BMP7: variants seen among roughly 807,000 people sequenced by gnomAD.
The protein encoded by BMP7 is bone morphogenetic protein 7, also known as osteogenic protein 1.
BMP7 carries 12 observed loss-of-function variants against 41.2 expected under a neutral mutation model. That is an observed-to-expected ratio of 0.29 (90% CI 0.19 to 0.47). BMP7 has a LOEUF of 0.47. Ranked by LOEUF, BMP7 falls within the 20% of genes least tolerant of loss-of-function variation. The probability of loss-of-function intolerance (pLI) is 0.99; values close to 1 mark genes in which losing one functional copy is unlikely to be tolerated. For synonymous variants in BMP7, 248 were observed against 250.0 expected (o/e 0.99, Z 0.07); for missense variants, 467 against 606.0 (o/e 0.77, Z 2.41).
chr20:57,228,835 T>G lies in BMP7; in HGVS notation c.419-414A>C, dbSNP rs1326002807. Among the ~76,000 whole-genome samples the G allele has an allele frequency of 1.3e-5, 2 of 152,212 alleles. No homozygotes were observed. Among genetic ancestry groups the G allele is most frequent in the Admixed American group, 1.3e-4 (2 of 15,278 alleles). ...AATTTCATCATCTAAAAAATGGGGA[T>G]TGTAATCCTCCTTCATGGGTTATGG... On this transcript the variant is annotated intron_variant, in intron 1 of 6. Transcript: ENST00000395863. The surrounding 1 kb of genome is among the most constrained non-coding windows in gnomAD (Gnocchi z 4.5).
At chr20:57,194,279 G>A (rs77634769) in intron 3 of BMP7, among the ~76,000 whole-genome samples, 11,908 of 152,220 alleles carry the variant, frequency 0.078, 613 homozygotes, top group Non-Finnish European at 0.11. Context: ...CCTCGAGTCT[G>A]TTGATACTCT....
chr20:57,236,328 C>T (rs755960416), intron 1 of BMP7, among the ~76,000 whole-genome samples: 29 of 152,132 alleles, frequency 1.9e-4, no homozygotes, highest in African/African-American at 6.0e-4. Flanking sequence ...CAGGAGAGAG[C>T]GCTCAGGAGG....
In BMP7 at chr20:57,194,332, C is replaced by T. The variant is rs373547928; in HGVS notation, c.760+8143G>A. On this transcript the variant is annotated intron_variant, in intron 3 of 6. Coordinates refer to ENST00000395863, the MANE Select transcript of BMP7 (RefSeq NM_001719.3). ...ACTACAGCCTGCAGGCCATATCCAGCCCACTGCCTGTTCTTGCAAATAAAA... is the reference window on the plus strand; with the variant it reads ...ACTACAGCCTGCAGGCCATATCCAGTCCACTGCCTGTTCTTGCAAATAAAA... 3.3e-5 allele frequency among the ~76,000 whole-genome samples: 5 copies of T among 152,292 alleles called. No homozygotes were observed. The South Asian group carries it at 6.2e-4, about 19-fold the overall frequency.
At chr20:57,246,596 C>A (rs2066091562) in intron 1 of BMP7, among the ~76,000 whole-genome samples, 1 of 152,226 alleles carries the variant, frequency 6.6e-6, no homozygotes, top group South Asian at 2.1e-4. Flanking sequence ...CTTGGGCCAA[C>A]TACCGCTCTC....
intron 4 of BMP7, among the ~76,000 whole-genome samples, chr20:57,178,707 G>A (rs950858869): frequency 2.6e-5 from 4 of 152,184 alleles, no homozygotes; most frequent in African/African-American, 9.7e-5. Flanking sequence ...CCTGTGGGGG[G>A]GTAGAAGGCA....
rs138910007 is a variant in BMP7, at chr20:57,186,185, A to G, written c.761-2266T>C. Among the ~76,000 whole-genome samples, 946 of 152,308 alleles carry G rather than the reference A, an allele frequency of 6.2e-3. 11 individuals are homozygous for G. Among genetic ancestry groups the G allele is most frequent in the Non-Finnish European group, 5.9e-3 (404 of 68,032 alleles). ...GAAAGTGTGTACAGCCTGACAAGCA[A>G]TGTGAAGGTGGCCTCTGTGTTCCAC... is the stretch of plus-strand genomic sequence containing the variant. On this transcript the variant is annotated intron_variant, in intron 3 of 6. Transcript: ENST00000395863.
Position 57,245,389 on chromosome 20 carries a change from C to T in BMP7, c.419-16968G>A, listed in dbSNP as rs190191497. Among the ~76,000 whole-genome samples, 452 of 152,104 alleles carry T rather than the reference C, an allele frequency of 3.0e-3. 1 individual carries two copies. The highest frequency in any genetic ancestry group is 0.01 in the African/African-American group (430 of 41,498). ...GAGATAGGGTCTCACTCTGTCACTC[C>T]CAACTGGAGTGCAGTGATGTAATTA... On this transcript the variant is annotated intron_variant, in intron 1 of 6. Transcript: ENST00000395863.
intron 4 of BMP7, among the ~76,000 whole-genome samples, chr20:57,179,999 A>G (rs1057494508): frequency 9.9e-5 from 15 of 151,926 alleles, no homozygotes; most frequent in Non-Finnish European, 1.2e-4. Context: ...TCTCCCCCTC[A>G]TTACCCAGGT....
At chr20:57,202,919 A>G (rs755806575) in intron 2 of BMP7, among the ~76,000 whole-genome samples, 11 of 152,214 alleles carry the variant, frequency 7.2e-5, no homozygotes, top group Non-Finnish European at 1.2e-4. Flanking sequence ...GTATAGGAAG[A>G]CAGGGATTAT....
At chr20:57,179,366 A>G (rs911347268) in intron 4 of BMP7, among the ~76,000 whole-genome samples, 4 of 152,196 alleles carry the variant, frequency 2.6e-5, no homozygotes, top group African/African-American at 9.6e-5. Context: ...GGCCGCAGAC[A>G]AGTCAGGACT....
intron 3 of BMP7, among the ~76,000 whole-genome samples, chr20:57,200,139 C>T (rs2123087029): frequency 6.6e-6 from 1 of 152,358 alleles, no homozygotes; most frequent in African/African-American, 2.4e-5. Context: ...TCACAAGAGA[C>T]AGTGGTGCTT....
intron 3 of BMP7, among the ~76,000 whole-genome samples, chr20:57,198,826 C>T (rs1984560779): frequency 6.6e-6 from 1 of 152,136 alleles, no homozygotes; most frequent in East Asian, 1.9e-4. Context: ...TGGCTGCGCC[C>T]CGCTAGAATG....
rs909866983 is a variant in BMP7 at position 57,169,003 on chromosome 20, A to G, written c.*1956T>C. On this transcript the variant is annotated 3_prime_UTR_variant, in exon 7 of 7. Transcript: ENST00000395863. ...AAATAAATAATCTCTTTGCTTTGTA[A>G]CAACTATTTACAGGTTTAAATGTAC... 2 of 152,194 alleles carry G rather than the reference A, an allele frequency of 1.3e-5. No homozygotes were observed. Among genetic ancestry groups the G allele is most frequent in the African/African-American group, 4.8e-5 (2 of 41,438 alleles). 9.4% of individuals were successfully genotyped at this position (152,194 alleles called of 1,614,324 possible).
intron 1 of BMP7, among the ~76,000 whole-genome samples, chr20:57,255,012 A>C (rs2066128712): frequency 6.6e-6 from 1 of 152,016 alleles, no homozygotes; most frequent in African/African-American, 2.4e-5. Flanking sequence ...AGGAGAGGGG[A>C]GGTATCACAA....
intron 4 of BMP7, among the ~76,000 whole-genome samples, 199 bp from the exon 5 acceptor site, chr20:57,175,206 T>C (rs1288516083): frequency 6.6e-6 from 1 of 152,212 alleles, no homozygotes; most frequent in Non-Finnish European, 1.5e-5. Flanking sequence ...AAGGCCCTAC[T>C]AAGGGAGGTG....
chr20:57,266,260 C>G lies in BMP7; in HGVS notation c.-138G>C. On this transcript the variant is annotated 5_prime_UTR_variant, in exon 1 of 7. Coordinates refer to ENST00000395863, the MANE Select transcript of BMP7 (RefSeq NM_001719.3). ...CCGCTGCGCCCGCGCCAGACATGGC[C>G]CCTCCCCGGCCGGCCGCGCTCTGCC... 1 of 857,448 alleles carries G rather than the reference C, an allele frequency of 1.2e-6. No homozygotes were observed. The highest frequency in any genetic ancestry group is 1.6e-6 in the Non-Finnish European group (1 of 639,416). 53.1% of individuals were successfully genotyped at this position (857,448 alleles called of 1,614,324 possible). A position where few individuals can be genotyped will look rare whatever the true frequency, so the allele number is the denominator to read the frequency against.
At chr20:57,196,028 T>A (rs1331378445) in intron 3 of BMP7, among the ~76,000 whole-genome samples, 1 of 152,122 alleles carries the variant, frequency 6.6e-6, no homozygotes, top group Non-Finnish European at 1.5e-5. Context: ...GGCTCCCCGA[T>A]CATCTTCTTG....
chr20:57,244,071 G>A (rs2066080175), intron 1 of BMP7: 1 of 152,192 alleles, frequency 6.6e-6, no homozygotes, highest in African/African-American at 2.4e-5. Flanking sequence ...TAAAGCCCAG[G>A]AGTAAAGTAG....
At position 57,212,271 on chromosome 20, in the gene BMP7, GA is replaced by G. The variant is rs947260012; in HGVS notation, c.612-9649del. Among the ~76,000 whole-genome samples, 5 of 152,358 alleles carry G rather than the reference GA, an allele frequency of 3.3e-5. No individual in the cohort carries two copies. The South Asian group carries it at 8.3e-4, about 25-fold the overall frequency. On this transcript the variant is annotated intron_variant, in intron 2 of 6. Coordinates refer to ENST00000395863, the MANE Select transcript of BMP7 (RefSeq NM_001719.3). Reference sequence around the variant, plus strand: ...GAACTAACACAGCTAAAAGGGCAGGGAAAAGCGTTCCCGGCAGAGAGAACCG... The same window carrying G: ...GAACTAACACAGCTAAAAGGGCAGGGAAAGCGTTCCCGGCAGAGAGAACCG...
Sources: gnomAD v4.1 joint callset for allele counts (sites outside exome capture counted in the v4.1 genomes callset) on GRCh38, gnomAD v4.1.1 for gene constraint, Gnocchi (gnomAD v3.1) non-coding constraint, MANE v1.5 for transcripts, NCBI Gene and HGNC (gene_info 2026-07-23, HGNC 2026-07-21) for gene names.